RBFOX3: variants seen among roughly 807,000 people sequenced by gnomAD.
The protein encoded by RBFOX3 is RNA binding fox-1 homolog 3.
In RBFOX3, 17 loss-of-function variants were observed where a neutral mutation model predicts 48.7. The observed-to-expected ratio is 0.35, with a 90% CI of 0.24 to 0.52. The LOEUF (loss-of-function observed/expected upper bound fraction) is 0.52. RBFOX3 is among the 20% of genes least tolerant of loss of function. The probability of loss-of-function intolerance (pLI) is 0.94; values close to 1 mark genes in which losing one functional copy is unlikely to be tolerated. For missense variants in RBFOX3, 382 were observed against 497.5 expected, an observed-to-expected ratio of 0.77 and a Z score of 2.21; for synonymous variants, 212 against 209.5, an observed-to-expected ratio of 1.01 and a Z score of -0.10.
chr17:79,173,232 A>G (rs979673209), intron 4 of RBFOX3, among the ~76,000 whole-genome samples: 1 of 152,148 alleles, frequency 6.6e-6, no homozygotes, highest in Non-Finnish European at 1.5e-5. Flanking sequence ...ACATACATAC[A>G]TACATACGTA....
the RBFOX3 span, among the ~76,000 whole-genome samples, chr17:79,633,290 C>A: frequency 2.0e-5 from 3 of 152,286 alleles, no homozygotes; most frequent in African/African-American, 4.8e-5. Flanking sequence ...GAGAGCTTGA[C>A]TGTGGGGCCC....
intron 2 of RBFOX3, among the ~76,000 whole-genome samples, chr17:79,437,087 A>G (rs962448447): frequency 6.6e-6 from 1 of 152,020 alleles, no homozygotes; most frequent in Non-Finnish European, 1.5e-5. Flanking sequence ...GGGACCTTTG[A>G]GTGCTCAGGA....
At chr17:79,616,852 A>G in the RBFOX3 span, among the ~76,000 whole-genome samples, 12 of 152,154 alleles carry the variant, frequency 7.9e-5, no homozygotes, top group Non-Finnish European at 1.8e-4. Context: ...GGGGTTGTGC[A>G]CCTGTCCGGG....
intron 4 of RBFOX3, among the ~76,000 whole-genome samples, chr17:79,216,420 G>A (rs2059055402): frequency 6.6e-6 from 1 of 152,200 alleles, no homozygotes; most frequent in South Asian, 2.1e-4. Flanking sequence ...AGGGCCTGGA[G>A]TGGAGATGGA....
the RBFOX3 span, among the ~76,000 whole-genome samples, chr17:79,656,893 G>GA: frequency 0.46 from 54,587 of 119,552 alleles, 13,211 homozygotes; most frequent in South Asian, 0.51. Context: ...AGGAAGGAAG[G>GA]AGGGAAGGAA....
chr17:79,387,009 A>AT (rs530454616), intron 2 of RBFOX3, among the ~76,000 whole-genome samples: 1 of 152,080 alleles, frequency 6.6e-6, no homozygotes, highest in Non-Finnish European at 1.5e-5. Context: ...CTTTTTCACT[A>AT]TTTTTTACAT....
At chr17:79,526,464 C>T (rs1057176845) in intron 1 of RBFOX3, among the ~76,000 whole-genome samples, 4 of 152,318 alleles carry the variant, frequency 2.6e-5, no homozygotes, top group South Asian at 4.1e-4. Context: ...GCTGTGCCTC[C>T]GCCACTGACA....
intron 2 of RBFOX3, among the ~76,000 whole-genome samples, chr17:79,358,166 AAACACC>A (rs1233153215): frequency 6.6e-6 from 1 of 152,020 alleles, no homozygotes; most frequent in Admixed American, 6.5e-5. Flanking sequence ...AGCTGGTCTC[AAACACC>A]TGGATTCAAG....
chr17:79,113,857 T>C (rs935235339), intron 5 of RBFOX3, among the ~76,000 whole-genome samples: 5 of 149,922 alleles, frequency 3.3e-5, no homozygotes, highest in East Asian at 4.1e-4. Context: ...GCTCAGCAAA[T>C]GTCTGCCGAG....
intron 2 of RBFOX3, among the ~76,000 whole-genome samples, chr17:79,432,723 GA>G (rs879953283): frequency 2.1e-3 from 296 of 142,276 alleles, no homozygotes; most frequent in Middle Eastern, 3.5e-3. Flanking sequence ...AGACAAAGGG[GA>G]AAAAAAAAAA....
At chr17:79,442,232 A>G (rs1555735277) in intron 2 of RBFOX3, among the ~76,000 whole-genome samples, 1 of 766 alleles carries the variant, frequency 1.3e-3, no homozygotes, top group Non-Finnish European at 2.8e-3. Context: ...AGAGAGAGAG[A>G]GAGAGAGAGA....
chr17:79,583,916 G>C (rs985620574), intron 1 of RBFOX3, among the ~76,000 whole-genome samples: 1 of 152,136 alleles, frequency 6.6e-6, no homozygotes, highest in African/African-American at 2.4e-5. Flanking sequence ...GGAAAGGTGT[G>C]GGGGTGCCTA....
chr17:79,215,190 C>G (rs1301659652), intron 4 of RBFOX3, among the ~76,000 whole-genome samples: 1 of 152,212 alleles, frequency 6.6e-6, no homozygotes, highest in Non-Finnish European at 1.5e-5. Flanking sequence ...CCCCGCAGGG[C>G]TCCCGGCTGA....
At chr17:79,620,384 T>C in the RBFOX3 span, among the ~76,000 whole-genome samples, 8,050 of 127,336 alleles carry the variant, frequency 0.063, 725 homozygotes, top group African/African-American at 0.22. Context: ...TACACACACA[T>C]GCACACATGC....
intron 2 of RBFOX3, among the ~76,000 whole-genome samples, chr17:79,353,405 T>C (rs2084336864): frequency 6.6e-6 from 1 of 152,206 alleles, no homozygotes. Flanking sequence ...TCCTCCTCCC[T>C]GCCACTCACT....
chr17:79,606,779 T>G (rs1186198636), intron 1 of RBFOX3, among the ~76,000 whole-genome samples: 3 of 152,202 alleles, frequency 2.0e-5, no homozygotes, highest in Non-Finnish European at 4.4e-5. Context: ...GCTCCTTGCA[T>G]GCCCGCCATG....
chr17:79,096,785 C>T lies in RBFOX3; in HGVS notation c.804G>A (p.Leu268=), dbSNP rs1256682968. 1 of 1,133,574 alleles carries T rather than the reference C, an allele frequency of 8.8e-7. No individual in the cohort carries two copies. Among genetic ancestry groups the T allele is most frequent in the Non-Finnish European group, 1.3e-6 (1 of 766,440 alleles). 70.2% of individuals were successfully genotyped at this position (1,133,574 alleles called of 1,614,324 possible). Residue 268 remains leucine, a synonymous_variant, in exon 12 of 15, where the codon CTG becomes CTA. Coordinates refer to ENST00000693108, the MANE Select transcript of RBFOX3 (RefSeq NM_001350451.2). ...LVKMPVPWAG[L]APCPLPPQQT... The stretch of plus-strand genomic sequence containing the variant: ...GCTGAGGAGGGAGGGGGCACGGTGC[C>T]AGCCCCGCCCATGGGACTGGCATTT...
intron 2 of RBFOX3, among the ~76,000 whole-genome samples, chr17:79,407,133 A>G (rs2063650718): frequency 6.6e-6 from 1 of 152,166 alleles, no homozygotes; most frequent in Non-Finnish European, 1.5e-5. Context: ...TCAGCCTCCC[A>G]AGTAGCTGGG....
chr17:79,102,915 T>A (rs1333139977), intron 8 of RBFOX3, among the ~76,000 whole-genome samples: 1 of 152,058 alleles, frequency 6.6e-6, no homozygotes, highest in African/African-American at 2.4e-5. Flanking sequence ...GGACAGCGCC[T>A]CTCCTAGGAA....
Sources: allele counts gnomAD v4.1 joint callset (sites outside exome capture counted in the v4.1 genomes callset), GRCh38; gene constraint gnomAD v4.1.1; transcripts MANE v1.5; gene names NCBI Gene and HGNC (gene_info 2026-07-23, HGNC 2026-07-21).